The following EPHA6 variants were observed in gnomAD, a reference collection of about 807,000 sequenced individuals.
The protein encoded by EPHA6 is ephrin type-A receptor 6.
Under a neutral mutation model 112.0 loss-of-function variants are expected in EPHA6, and 50 were observed. That is an observed-to-expected ratio of 0.45 (90% CI 0.36 to 0.56). EPHA6 has a LOEUF of 0.56. Ranked by LOEUF, EPHA6 falls within the 20% of genes least tolerant of loss-of-function variation. The pLI, the probability that EPHA6 is intolerant of heterozygous loss-of-function variation, is 0.00. For synonymous variants in EPHA6, 529 were observed against 490.7 expected (o/e 1.08, Z -1.03); for missense variants, 1,280 against 1,417.4 (o/e 0.90, Z 1.56).
rs1167307130 is a variant in EPHA6 at position 97,066,764 on chromosome 3, A to G, written c.1114+78771A>G. On this transcript the variant is annotated intron_variant, in intron 3 of 17. Transcript: ENST00000389672. ...ACAGGTATCTGTTTTCATTTTTTTC[A>G]TTGTTGTTGTTTTAATGATGCTAAC... Among the ~76,000 whole-genome samples the G allele has an allele frequency of 2.6e-5, 4 of 152,152 alleles. No individual in the cohort carries two copies. In the South Asian group the frequency reaches 8.3e-4, roughly 32 times the overall value.
intron 3 of EPHA6, among the ~76,000 whole-genome samples, chr3:97,022,961 A>T (rs992055399): frequency 2.0e-5 from 3 of 152,166 alleles, no homozygotes; most frequent in African/African-American, 7.2e-5. Flanking sequence ...TCCTTGCTTC[A>T]TCAAATAGGA....
chr3:96,920,548 A>C (rs888508109), intron 2 of EPHA6, among the ~76,000 whole-genome samples: 4 of 151,840 alleles, frequency 2.6e-5, no homozygotes, highest in African/African-American at 7.2e-5. Context: ...AAAACAAATC[A>C]ACCAGTAAAC....
chr3:97,512,141 A>G (rs886230464), intron 10 of EPHA6, among the ~76,000 whole-genome samples: 1 of 152,196 alleles, frequency 6.6e-6, no homozygotes, highest in Non-Finnish European at 1.5e-5. Context: ...TTAACATCAA[A>G]ACAAACTTTT....
intron 2 of EPHA6, among the ~76,000 whole-genome samples, chr3:96,901,192 T>G (rs1458452001): frequency 6.6e-6 from 1 of 152,176 alleles, no homozygotes; most frequent in African/African-American, 2.4e-5. Context: ...TATTAACTTA[T>G]GAGACTCTCA....
At chr3:96,898,772 G>GT (rs2038425958) in intron 2 of EPHA6, among the ~76,000 whole-genome samples, 1 of 152,052 alleles carries the variant, frequency 6.6e-6, no homozygotes, top group African/African-American at 2.4e-5. Context: ...GCTCACGGCT[G>GT]TAATCCCAGC....
At chr3:97,009,012 G>T (rs2043985974) in intron 3 of EPHA6, among the ~76,000 whole-genome samples, 1 of 152,022 alleles carries the variant, frequency 6.6e-6, no homozygotes, top group Admixed American at 6.6e-5. Context: ...TCCTTCTTTT[G>T]GCACCTCTGA....
chr3:96,857,587 A>G (rs1057469246), intron 1 of EPHA6, among the ~76,000 whole-genome samples: 6 of 152,084 alleles, frequency 3.9e-5, no homozygotes, highest in Non-Finnish European at 8.8e-5. Flanking sequence ...TCATGATTTT[A>G]TTTATCAAAT....
At chr3:97,320,904 A>G (rs2082089131) in intron 5 of EPHA6, among the ~76,000 whole-genome samples, 1 of 151,780 alleles carries the variant, frequency 6.6e-6, no homozygotes, top group East Asian at 1.9e-4. Flanking sequence ...CTCAAAAATT[A>G]ATTTTCAGTG....
intron 5 of EPHA6, among the ~76,000 whole-genome samples, chr3:97,400,477 T>C (rs1176280251): frequency 6.6e-6 from 1 of 151,754 alleles, no homozygotes; most frequent in Non-Finnish European, 1.5e-5. Flanking sequence ...ATAATTGTTA[T>C]TTTGATAGGG....
intron 3 of EPHA6, among the ~76,000 whole-genome samples, chr3:97,117,997 C>T (rs965836719): frequency 6.6e-6 from 1 of 151,644 alleles, no homozygotes; most frequent in Non-Finnish European, 1.5e-5. Context: ...TTAAAATCAT[C>T]CACTGAAAAG....
chr3:97,426,928 T>C (rs955399844), intron 6 of EPHA6, among the ~76,000 whole-genome samples: 1 of 152,060 alleles, frequency 6.6e-6, no homozygotes, highest in Non-Finnish European at 1.5e-5. Flanking sequence ...ATGGCCAAAA[T>C]TATATAAAAT....
chr3:96,950,143 C>T (rs2041462611), intron 2 of EPHA6, among the ~76,000 whole-genome samples: 1 of 152,042 alleles, frequency 6.6e-6, no homozygotes, highest in African/African-American at 2.4e-5. Flanking sequence ...GTGTGTGTCA[C>T]TTTCCCAGCT....
chr3:97,326,403 T>C (rs565479774), intron 5 of EPHA6, among the ~76,000 whole-genome samples: 46 of 151,768 alleles, frequency 3.0e-4, no homozygotes, highest in Non-Finnish European at 5.7e-4. Context: ...GATTAAACAA[T>C]ATAAATCTTA....
At chr3:97,160,369 C>T (rs534968434) in intron 3 of EPHA6, among the ~76,000 whole-genome samples, 5 of 152,092 alleles carry the variant, frequency 3.3e-5, no homozygotes, top group East Asian at 1.9e-4. Flanking sequence ...CTCCGCCTCC[C>T]GGGTTTAAGC....
At chr3:97,472,846 G>A (rs2091265641) in intron 7 of EPHA6, among the ~76,000 whole-genome samples, 1 of 151,774 alleles carries the variant, frequency 6.6e-6, no homozygotes, top group Non-Finnish European at 1.5e-5. Flanking sequence ...TAGTTCTTCT[G>A]TTAGGAAAAA....
At chr3:97,738,270 T>G (rs576728094) in intron 16 of EPHA6, among the ~76,000 whole-genome samples, 1 of 151,944 alleles carries the variant, frequency 6.6e-6, no homozygotes, top group Non-Finnish European at 1.5e-5. Flanking sequence ...CATGCTGTAG[T>G]ATTGAGGAGA....
At chr3:97,109,730 A>G (rs571629851) in intron 3 of EPHA6, among the ~76,000 whole-genome samples, 2 of 152,294 alleles carry the variant, frequency 1.3e-5, no homozygotes, top group Admixed American at 6.5e-5. Flanking sequence ...TTACTGACCA[A>G]CGACAATGTA....
At chr3:97,129,783 A>T (rs183066184) in intron 3 of EPHA6, among the ~76,000 whole-genome samples, 2 of 152,324 alleles carry the variant, frequency 1.3e-5, no homozygotes, top group South Asian at 4.1e-4. Flanking sequence ...CTGATCAAGT[A>T]GAGTAATTCT....
intron 2 of EPHA6, among the ~76,000 whole-genome samples, chr3:96,979,735 T>C (rs1279488462): frequency 4.6e-5 from 7 of 152,192 alleles, no homozygotes; most frequent in Admixed American, 4.6e-4. Flanking sequence ...TTTTTAATGA[T>C]TGCCATTCTA....
Sources: allele counts gnomAD v4.1 joint callset (sites outside exome capture counted in the v4.1 genomes callset), GRCh38; gene constraint gnomAD v4.1.1; transcripts MANE v1.5; gene names NCBI Gene and HGNC (gene_info 2026-07-23, HGNC 2026-07-21).